Variants in MYO1F observed in about 807,000 individuals in gnomAD.
MYO1F encodes unconventional myosin-If.
A neutral mutation model predicts 146.6 loss-of-function variants in MYO1F; 60 were observed. The observed-to-expected ratio is 0.41, with a 90% CI of 0.33 to 0.51. MYO1F has a LOEUF of 0.51. MYO1F is among the 20% of genes least tolerant of loss of function. The pLI, the probability that MYO1F is intolerant of heterozygous loss-of-function variation, is 0.25. For synonymous variants in MYO1F, 602 were observed against 602.1 expected, an observed-to-expected ratio of 1.00 and a Z score of 0.00; for missense variants, 1,274 against 1,534.3, an observed-to-expected ratio of 0.83 and a Z score of 2.83.
intron 25 of MYO1F, among the ~76,000 whole-genome samples, chr19:8,524,678 C>T (rs1390654143): frequency 6.6e-6 from 1 of 152,078 alleles, no homozygotes; most frequent in African/African-American, 2.4e-5. Context: ...CCTGCCTTGG[C>T]CTACCAAGAG....
Position 8,530,553 on chromosome 19 carries a change from C to T in MYO1F, c.2064G>A (p.Val688=), listed in dbSNP as rs764869179. Residue 688 remains valine, a synonymous_variant, in exon 20 of 28, where the codon GTG becomes GTA. Coordinates refer to ENST00000644032, the MANE Select transcript of MYO1F (RefSeq NM_012335.4). This position sits in a 1 kb window ranked among gnomAD's most constrained non-coding sequence, Gnocchi z 5.8. ...NPESLFLLEE[V]RERKFDGFAR... is the part of the protein sequence containing the mutation. ...CAAAGCCATCGAACTTTCGCTCTCG[C>T]ACCTCCTCCAGGAGGAAAAGCTGGG... 4.3e-6 allele frequency: 7 copies of T among 1,612,380 alleles called. No homozygotes were observed. The highest frequency in any genetic ancestry group is 4.2e-6 in the Non-Finnish European group (5 of 1,180,028).
Position 8,522,464 on chromosome 19 carries a change from T to C in MYO1F, c.3133A>G (p.Arg1045Gly), listed in dbSNP as rs1341157371. 1 of 1,614,080 alleles carries C rather than the reference T, an allele frequency of 6.2e-7. No individual in the cohort carries two copies. Among genetic ancestry groups the C allele is most frequent in the South Asian group, 1.1e-5 (1 of 91,072 alleles). Residue 1045 changes from arginine to glycine, a missense_variant, in exon 27 of 28, where the codon AGG becomes GGG. Coordinates refer to ENST00000644032, the MANE Select transcript of MYO1F (RefSeq NM_012335.4). ...ACGTACTGGTATAGGGCCCGGCACCTGGGACCATGTGTCCGAGGCTGGGGC... is the reference window on the plus strand; with the variant it reads ...ACGTACTGGTATAGGGCCCGGCACCCGGGACCATGTGTCCGAGGCTGGGGC... ...PKPQPRTHGPRCRALYQYVGQ... is the reference protein window; with the variant it reads ...PKPQPRTHGPGCRALYQYVGQ...
At chr19:8,568,781 CG>C (rs1239629912) in intron 1 of MYO1F, among the ~76,000 whole-genome samples, 2 of 151,698 alleles carry the variant, frequency 1.3e-5, no homozygotes, top group Admixed American at 1.3e-4. Context: ...ATTAGCCCGG[CG>C]TGGTGGCGGG....
In MYO1F at chr19:8,577,203, G is replaced by T; in HGVS notation, c.3+104C>A. On this transcript the variant is annotated intron_variant, in intron 1 of 27. Transcript: ENST00000644032. The surrounding 1 kb of genome is among the most constrained non-coding windows in gnomAD (Gnocchi z 4.3). ...CCCCACCCCCACAGAAGTCCACCATGCCCCTCCCCTCACCCCAATTTCTGA... is the reference window on the plus strand; with the variant it reads ...CCCCACCCCCACAGAAGTCCACCATTCCCCTCCCCTCACCCCAATTTCTGA... The T allele has an allele frequency of 1.5e-6, 2 of 1,369,960 alleles. No individual in the cohort carries two copies. The highest frequency in any genetic ancestry group is 2.0e-6 in the Non-Finnish European group (2 of 979,228). 84.9% of individuals were successfully genotyped at this position (1,369,960 alleles called of 1,614,324 possible).
At chr19:8,576,905 C>T (rs567475494) in intron 1 of MYO1F, 6 of 310,704 alleles carry the variant, frequency 1.9e-5, no homozygotes, top group Admixed American at 4.6e-5. Flanking sequence ...CTGTGGGAAC[C>T]GGGGCCAAGA....
chr19:8,564,268 C>G (rs1038024170), intron 1 of MYO1F, among the ~76,000 whole-genome samples: 5 of 152,102 alleles, frequency 3.3e-5, no homozygotes, highest in Admixed American at 1.3e-4. Context: ...GTAATCCCAG[C>G]TACTTGGGAG....
chr19:8,521,242 T>C lies in MYO1F; in HGVS notation c.*286A>G. On this transcript the variant is annotated 3_prime_UTR_variant, in exon 28 of 28. Transcript: ENST00000644032. The stretch of plus-strand genomic sequence containing the variant: ...ACAGGACTCAAGACCCATTTCTTAA[T>C]CACATGGCAGTTGGGAGGTAGATTC... 1 of 485,148 alleles carries C rather than the reference T, an allele frequency of 2.1e-6. No individual in the cohort carries two copies. The highest frequency in any genetic ancestry group is 3.8e-6 in the Non-Finnish European group (1 of 262,864). The allele number at this position is 485,148 out of a possible 1,614,324, so 30.1% of individuals were successfully genotyped here. A position where few individuals can be genotyped will look rare whatever the true frequency, so the allele number is the denominator to read the frequency against.
intron 6 of MYO1F, 52 bp downstream of exon 6, chr19:8,553,087 A>G: frequency 6.5e-7 from 1 of 1,540,292 alleles, no homozygotes; most frequent in South Asian, 1.1e-5. Context: ...GTGTGTGTAG[A>G]AAGGTCAGCA....
intron 6 of MYO1F, 87 bp downstream of exon 6, chr19:8,553,052 A>G: frequency 1.6e-6 from 2 of 1,269,462 alleles, no homozygotes; most frequent in Non-Finnish European, 2.3e-6. Flanking sequence ...TTGTCTTGGC[A>G]ATACGGGTGT....
In MYO1F at chr19:8,560,983, C is replaced by T. The variant is rs532022505; in HGVS notation, c.4-5187G>A. ...CAATCTCCTGACCTTGTGATCTGCC[C>T]GCCTCGGCCTCCCAAAGTGCTGGGA... On this transcript the variant is annotated intron_variant, in intron 1 of 27. Coordinates refer to ENST00000644032, the MANE Select transcript of MYO1F (RefSeq NM_012335.4). Among the ~76,000 whole-genome samples, 19 of 151,540 alleles carry T rather than the reference C, an allele frequency of 1.3e-4. No individual in the cohort carries two copies. The South Asian group carries it at 3.8e-3, about 30-fold the overall frequency.
At chr19:8,536,878 G>T in intron 17 of MYO1F, 71 bp downstream of exon 17, 1 of 1,101,838 alleles carries the variant, frequency 9.1e-7, no homozygotes, top group Non-Finnish European at 1.3e-6. Context: ...TCAGGGAGGT[G>T]TCTCGGTCAG....
At position 8,577,018 on chromosome 19, in the gene MYO1F, C is replaced by T. The variant is rs1353469843; in HGVS notation, c.3+289G>A. 1 of 590,402 alleles carries T rather than the reference C, an allele frequency of 1.7e-6. No individual in the cohort carries two copies. The highest frequency in any genetic ancestry group is 3.0e-6 in the Non-Finnish European group (1 of 331,566). The allele number at this position is 590,402 out of a possible 1,614,324, so 36.6% of individuals were successfully genotyped here. A position where few individuals can be genotyped will look rare whatever the true frequency, so the allele number is the denominator to read the frequency against. The stretch of plus-strand genomic sequence containing the variant: ...CAAGCAAAGGAGGCTATGTCCTTGT[C>T]CCTGCAGACTCTGTGATTCTCCCTG... On this transcript the variant is annotated intron_variant, in intron 1 of 27. Coordinates refer to ENST00000644032, the MANE Select transcript of MYO1F (RefSeq NM_012335.4). This position sits in a 1 kb window ranked among gnomAD's most constrained non-coding sequence, Gnocchi z 4.3.
At chr19:8,569,104 G>C (rs2042063196) in intron 1 of MYO1F, among the ~76,000 whole-genome samples, 1 of 152,132 alleles carries the variant, frequency 6.6e-6, no homozygotes, top group African/African-American at 2.4e-5. Context: ...CTTGTTGAAT[G>C]AATGAATGAA....
chr19:8,553,877 CA>C (rs1329566279), intron 4 of MYO1F, among the ~76,000 whole-genome samples: 3 of 89,552 alleles, frequency 3.4e-5, no homozygotes, highest in African/African-American at 1.7e-4. Flanking sequence ...GTCACACACA[CA>C]CACACACACA....
intron 1 of MYO1F, among the ~76,000 whole-genome samples, chr19:8,574,916 T>C (rs1400677004): frequency 2.7e-5 from 4 of 149,820 alleles, no homozygotes; most frequent in African/African-American, 9.8e-5. Context: ...CCACCACGAC[T>C]GGCTAATTTT....
Position 8,522,399 on chromosome 19 carries a change from C to A in MYO1F, c.3198G>T (p.Glu1066Asp). Reference sequence around the variant, plus strand: ...CACCTTCCATGAGGATCTCAATGACCTCGTTCACGTTGAAGCTCAGCTCGT... The same window carrying A: ...CACCTTCCATGAGGATCTCAATGACATCGTTCACGTTGAAGCTCAGCTCGT... Reference protein sequence around the residue: ...DVDELSFNVNEVIEILMEDPS... With the variant: ...DVDELSFNVNDVIEILMEDPS... The change falls in exon 27 of 28, where the codon GAG becomes GAT. Residue 1066 changes from glutamate (E) to aspartate (D), a missense_variant. Transcript: ENST00000644032. 6.2e-7 allele frequency: 1 copy of A among 1,614,168 alleles called. No individual in the cohort carries two copies. Among genetic ancestry groups the A allele is most frequent in the Non-Finnish European group, 8.5e-7 (1 of 1,180,026 alleles).
intron 1 of MYO1F, among the ~76,000 whole-genome samples, chr19:8,572,157 C>A (rs1319794740): frequency 6.6e-6 from 1 of 152,214 alleles, no homozygotes; most frequent in Non-Finnish European, 1.5e-5. Flanking sequence ...TCTTGTCCCT[C>A]CTGCTTTTTG....
At chr19:8,531,987 G>A (rs1054017612) in intron 19 of MYO1F, among the ~76,000 whole-genome samples, 1 of 151,912 alleles carries the variant, frequency 6.6e-6, no homozygotes, top group Admixed American at 6.6e-5. Context: ...GTGTGGTGGC[G>A]CATGCCTGTC....
At chr19:8,526,693 G>A in intron 23 of MYO1F, 92 bp from the exon 24 acceptor site, 1 of 1,531,850 alleles carries the variant, frequency 6.5e-7, no homozygotes, top group Non-Finnish European at 8.8e-7. Flanking sequence ...GGCCGCGGCC[G>A]GGGCCGAAGC....
Sources: gnomAD v4.1 joint callset for allele counts (sites outside exome capture counted in the v4.1 genomes callset) on GRCh38, gnomAD v4.1.1 for gene constraint, Gnocchi (gnomAD v3.1) non-coding constraint, MANE v1.5 for transcripts, NCBI Gene and HGNC (gene_info 2026-07-23, HGNC 2026-07-21) for gene names.